The following DIAPH2 variants were observed in gnomAD, a reference collection of about 807,000 sequenced individuals.
DIAPH2 encodes diaphanous related formin 2.
A neutral mutation model predicts 92.7 loss-of-function variants in DIAPH2; 35 were observed. The observed-to-expected ratio is 0.38, with a 90% CI of 0.29 to 0.50. DIAPH2 has a LOEUF of 0.50. Among genes scored for constraint, DIAPH2 ranks in the 20% least tolerant of loss-of-function variants. The pLI, the probability that DIAPH2 is intolerant of heterozygous loss-of-function variation, is 0.94. For synonymous variants in DIAPH2, 301 were observed against 280.4 expected, an observed-to-expected ratio of 1.07 and a Z score of -0.73; for missense variants, 701 against 819.5, an observed-to-expected ratio of 0.86 and a Z score of 1.77.
intron 5 of DIAPH2, among the ~76,000 whole-genome samples, chrX:96,912,118 A>G (rs761721355): frequency 8.1e-5 from 9 of 111,477 alleles, no homozygotes; most frequent in African/African-American, 2.9e-4. Flanking sequence ...GTAATGGGCA[A>G]TCTAAAATGT....
intron 4 of DIAPH2, among the ~76,000 whole-genome samples, chrX:96,864,141 G>A (rs1243350715): frequency 9.0e-6 from 1 of 111,388 alleles, no homozygotes; most frequent in African/African-American, 3.3e-5. Context: ...TATTTGCACT[G>A]TTCAATGTAT....
intron 23 of DIAPH2, among the ~76,000 whole-genome samples, chrX:97,269,150 C>T (rs755915277): frequency 5.4e-5 from 6 of 111,631 alleles, no homozygotes; most frequent in Admixed American, 9.5e-5. Flanking sequence ...CCACCGTGCC[C>T]GGCCTCAGGC....
intron 23 of DIAPH2, among the ~76,000 whole-genome samples, chrX:97,321,635 C>T (rs5967301): frequency 0.37 from 37,915 of 101,158 alleles, 5,798 homozygotes; most frequent in East Asian, 0.64. Context: ...CTGCAAACTC[C>T]GCCTCCCAGG....
intron 25 of DIAPH2, among the ~76,000 whole-genome samples, chrX:97,412,827 A>G (rs1295534544): frequency 8.9e-6 from 1 of 112,212 alleles, no homozygotes; most frequent in East Asian, 2.8e-4. Context: ...ATTCCTGGAC[A>G]CATACACCAT....
chrX:97,144,626 A>G (rs1410067406), intron 22 of DIAPH2, among the ~76,000 whole-genome samples: 1 of 109,204 alleles, frequency 9.2e-6, no homozygotes, highest in Non-Finnish European at 1.9e-5. Flanking sequence ...TAGCGTGTAT[A>G]TATATATATA....
At chrX:97,513,961 C>G (rs1439629776) in intron 26 of DIAPH2, among the ~76,000 whole-genome samples, 2 of 105,790 alleles carry the variant, frequency 1.9e-5, no homozygotes, top group African/African-American at 7.3e-5. Flanking sequence ...TTCATTTCAA[C>G]TTTGGTGAAT....
intron 19 of DIAPH2, among the ~76,000 whole-genome samples, chrX:97,094,173 G>C (rs886912365): frequency 1.8e-5 from 2 of 111,612 alleles, no homozygotes; most frequent in Non-Finnish European, 3.8e-5. Flanking sequence ...GGGAATGTCA[G>C]TTAGAAACAT....
At chrX:96,976,321 C>T (rs1170722626) in intron 17 of DIAPH2, among the ~76,000 whole-genome samples, 1 of 110,006 alleles carries the variant, frequency 9.1e-6, no homozygotes, top group Non-Finnish European at 1.9e-5. Context: ...AGGATTTCAC[C>T]ATGTTGCCCA....
chrX:97,277,642 A>C (rs2147596329), intron 23 of DIAPH2, among the ~76,000 whole-genome samples: 1 of 111,394 alleles, frequency 9.0e-6, no homozygotes, highest in Admixed American at 9.6e-5. Context: ...GTACCTGGTA[A>C]GTCCAGCTAA....
chrX:96,962,164 T>A (rs1020090820), intron 16 of DIAPH2, among the ~76,000 whole-genome samples: 1 of 103,369 alleles, frequency 9.7e-6, no homozygotes, highest in African/African-American at 3.5e-5. Context: ...CCTTTCCCTT[T>A]AGATCTAATA....
intron 24 of DIAPH2, among the ~76,000 whole-genome samples, chrX:97,376,517 T>G (rs1193255800): frequency 8.9e-6 from 1 of 112,255 alleles, no homozygotes; most frequent in Non-Finnish European, 1.9e-5. Flanking sequence ...TTGGAGGAAA[T>G]GGAGTACAGA....
chrX:96,728,578 T>C (rs767445242), intron 1 of DIAPH2, among the ~76,000 whole-genome samples: 2 of 112,283 alleles, frequency 1.8e-5, no homozygotes, highest in African/African-American at 6.5e-5. Context: ...TAAACTTCTA[T>C]GTGCCATAAA....
intron 4 of DIAPH2, among the ~76,000 whole-genome samples, chrX:96,870,440 T>A (rs1228191488): frequency 3.4e-5 from 2 of 58,020 alleles, no homozygotes; most frequent in African/African-American, 1.2e-4. Flanking sequence ...TTTTTGTATT[T>A]TTTTTTTTTT....
At chrX:97,184,678 A>G (rs1453622919) in intron 22 of DIAPH2, among the ~76,000 whole-genome samples, 1 of 111,765 alleles carries the variant, frequency 8.9e-6, no homozygotes. Flanking sequence ...AATGAACTCA[A>G]AACACTATCT....
At chrX:96,818,125 C>CCA (rs2064752039) in intron 4 of DIAPH2, among the ~76,000 whole-genome samples, 1 of 37,937 alleles carries the variant, frequency 2.6e-5, no homozygotes, top group Non-Finnish European at 4.0e-5. Flanking sequence ...ACGGCAGGTG[C>CCA]CCGCCAAAAC....
chrX:97,302,442 A>T (rs1023331912), intron 23 of DIAPH2, among the ~76,000 whole-genome samples: 4 of 109,428 alleles, frequency 3.7e-5, no homozygotes, highest in African/African-American at 1.3e-4. Context: ...GAGGCAGGAG[A>T]ATTGCTTGAA....
chrX:97,196,889 C>G (rs773181276), intron 22 of DIAPH2, among the ~76,000 whole-genome samples: 2 of 107,066 alleles, frequency 1.9e-5, no homozygotes, highest in Admixed American at 2.0e-4. Context: ...CGGGTTCAAG[C>G]GATTTTCCTG....
At chrX:96,797,218 C>G (rs755081206) in intron 4 of DIAPH2, among the ~76,000 whole-genome samples, 2 of 110,608 alleles carry the variant, frequency 1.8e-5, no homozygotes, top group Non-Finnish European at 3.8e-5. Flanking sequence ...CAGTGGCTCA[C>G]GCCTGTAATC....
At chrX:97,187,545 G>T (rs2067618163) in intron 22 of DIAPH2, among the ~76,000 whole-genome samples, 1 of 109,421 alleles carries the variant, frequency 9.1e-6, no homozygotes. Flanking sequence ...CAAAGTGCTG[G>T]GATTACAGGC....
Sources: allele counts gnomAD v4.1 joint callset (sites outside exome capture counted in the v4.1 genomes callset), GRCh38; gene constraint gnomAD v4.1.1; transcripts MANE v1.5; gene names NCBI Gene and HGNC (gene_info 2026-07-23, HGNC 2026-07-21).